Variants in FOXP1 observed in about 807,000 individuals in gnomAD.
The protein encoded by FOXP1 is forkhead box P1.
In FOXP1, 15 loss-of-function variants were observed where a neutral mutation model predicts 98.2. That is an observed-to-expected ratio of 0.15 (90% CI 0.10 to 0.24). The LOEUF (loss-of-function observed/expected upper bound fraction) is 0.24, where lower values mean the gene tolerates loss of function less well. Among genes scored for constraint, FOXP1 ranks in the 10% least tolerant of loss-of-function variants. The pLI is 1.00. For missense variants in FOXP1, 633 were observed against 848.5 expected (o/e 0.75, Z 3.15); for synonymous variants, 371 against 314.5 (o/e 1.18, Z -1.90).
chr3:71,100,504 TAGATACCAATGGAAA>T (rs2056858781), intron 7 of FOXP1, among the ~76,000 whole-genome samples: 2 of 152,158 alleles, frequency 1.3e-5, no homozygotes, highest in African/African-American at 4.8e-5. Flanking sequence ...GGGGCAGTGG[TAGATACCAATGGAAA>T]AGAAGCAGGC....
At chr3:71,366,063 A>G (rs2078910978) in intron 3 of FOXP1, among the ~76,000 whole-genome samples, 1 of 152,216 alleles carries the variant, frequency 6.6e-6, no homozygotes, top group Non-Finnish European at 1.5e-5. Context: ...AATATGCCAG[A>G]AACAATGAGT....
intron 7 of FOXP1, among the ~76,000 whole-genome samples, chr3:71,065,463 C>A (rs1240867023): frequency 6.6e-6 from 1 of 152,318 alleles, no homozygotes; most frequent in South Asian, 2.1e-4. Flanking sequence ...TCCTCGAAAA[C>A]CTCCCTGGGA....
In FOXP1 at chr3:71,113,802, C is replaced by T. The variant is rs547952156; in HGVS notation, c.181-1165G>A. Among the ~76,000 whole-genome samples the T allele has an allele frequency of 1.1e-4, 15 of 140,110 alleles. 1 individual carries two copies. Among genetic ancestry groups the T allele is most frequent in the Admixed American group, 4.3e-4 (6 of 14,028 alleles). The allele number at this position is 140,110 out of a possible 152,430, so 91.9% of individuals were successfully genotyped here. On this transcript the variant is annotated intron_variant, in intron 6 of 20. Coordinates refer to ENST00000649528, the MANE Select transcript of FOXP1 (RefSeq NM_001349338.3). ...GAAAAAAACAATGTCATCAATAAAC[C>T]GCCATGAAGACATTCACTGCCAAAG...
chr3:71,517,243 A>C (rs2042646859), intron 2 of FOXP1, among the ~76,000 whole-genome samples: 1 of 152,230 alleles, frequency 6.6e-6, no homozygotes, highest in Admixed American at 6.5e-5. Context: ...TAATGACAAC[A>C]CATCTGCAAG....
chr3:71,222,444 A>G (rs12635097), intron 5 of FOXP1, among the ~76,000 whole-genome samples: 12,439 of 151,802 alleles, frequency 0.082, 584 homozygotes, highest in African/African-American at 0.11. Flanking sequence ...TTTGAGATGG[A>G]GTCTCGCTCT....
intron 3 of FOXP1, among the ~76,000 whole-genome samples, chr3:71,384,983 G>A (rs1475082957): frequency 6.6e-6 from 1 of 151,982 alleles, no homozygotes; most frequent in Non-Finnish European, 1.5e-5. Flanking sequence ...ACAGACTTGA[G>A]CAATAATACA....
At chr3:71,178,197 C>T (rs1448781653) in intron 6 of FOXP1, among the ~76,000 whole-genome samples, 1 of 149,728 alleles carries the variant, frequency 6.7e-6, no homozygotes, top group African/African-American at 2.5e-5. Context: ...TGCAGTGGCG[C>T]GATCTCAGCT....
At chr3:71,444,886 A>G (rs1052993603) in intron 3 of FOXP1, among the ~76,000 whole-genome samples, 9 of 152,062 alleles carry the variant, frequency 5.9e-5, no homozygotes, top group African/African-American at 2.2e-4. Context: ...GGGAGTGGGG[A>G]TGGCCATGGG....
At chr3:71,502,203 G>A (rs1333256965) in intron 2 of FOXP1, among the ~76,000 whole-genome samples, 2 of 152,168 alleles carry the variant, frequency 1.3e-5, no homozygotes, top group African/African-American at 2.4e-5. Context: ...TGGCAAACTG[G>A]GTCTAGCTAA....
chr3:70,965,871 T>C lies in FOXP1; in HGVS notation c.1889+19A>G. On this transcript the variant is annotated intron_variant, in intron 20 of 20. Transcript: ENST00000649528. ...ACTAGGGTCAGATAGCAAAGACCTG[T>C]TGGGTGGACAATACTCACACGGCTT... is the stretch of plus-strand genomic sequence containing the variant. The C allele has an allele frequency of 6.2e-7, 1 of 1,613,160 alleles. No homozygotes were observed. Among genetic ancestry groups the C allele is most frequent in the Non-Finnish European group, 8.5e-7 (1 of 1,179,800 alleles).
intron 1 of FOXP1, among the ~76,000 whole-genome samples, chr3:71,583,305 C>A (rs998239961): frequency 6.6e-6 from 1 of 152,076 alleles, no homozygotes. Flanking sequence ...GGAGCTCCCT[C>A]CACCCGCGCG....
At chr3:71,088,163 T>C (rs182938724) in intron 7 of FOXP1, among the ~76,000 whole-genome samples, 13 of 152,268 alleles carry the variant, frequency 8.5e-5, no homozygotes, top group South Asian at 2.1e-4. Flanking sequence ...TTGTTTCTGA[T>C]TGGGGGCTCT....
intron 3 of FOXP1, among the ~76,000 whole-genome samples, chr3:71,453,377 C>T (rs1187763217): frequency 6.6e-6 from 1 of 152,100 alleles, no homozygotes; most frequent in Non-Finnish European, 1.5e-5. Flanking sequence ...TTATCAGATG[C>T]AATATTCAAG....
intron 3 of FOXP1, among the ~76,000 whole-genome samples, chr3:71,425,033 T>C (rs1369626212): frequency 6.6e-6 from 1 of 152,164 alleles, no homozygotes; most frequent in African/African-American, 2.4e-5. Context: ...TGTATTCATA[T>C]ACTGGAAATC....
intron 3 of FOXP1, among the ~76,000 whole-genome samples, chr3:71,394,556 T>C (rs1367730818): frequency 1.3e-5 from 2 of 152,198 alleles, no homozygotes; most frequent in Non-Finnish European, 2.9e-5. Flanking sequence ...GTTTTAAAAA[T>C]AGACATTTTA....
chr3:71,295,173 T>C (rs1017806506), intron 5 of FOXP1, among the ~76,000 whole-genome samples: 1 of 152,202 alleles, frequency 6.6e-6, no homozygotes, highest in Non-Finnish European at 1.5e-5. Context: ...AATGCGGTCA[T>C]CTGGTAACTC....
chr3:71,308,648 A>G (rs369540252), intron 4 of FOXP1, among the ~76,000 whole-genome samples: 1 of 152,132 alleles, frequency 6.6e-6, no homozygotes. Context: ...CTGTCGCCCA[A>G]GGATCCTACA....
At chr3:71,573,388 T>A (rs1485851997) in intron 2 of FOXP1, 1 of 149,346 alleles carries the variant, frequency 6.7e-6, no homozygotes, top group Non-Finnish European at 1.5e-5. Flanking sequence ...TTAAACCTTT[T>A]GCTGCAGTTG....
At position 71,397,012 on chromosome 3, in the gene FOXP1, A is replaced by G. The variant is rs1481121633; in HGVS notation, c.-167-37768T>C. On this transcript the variant is annotated intron_variant, in intron 3 of 20. Coordinates refer to ENST00000649528, the MANE Select transcript of FOXP1 (RefSeq NM_001349338.3). ...TATATATACACATATATATGTGTAT[A>G]TATATATATATACATATATATGTGT... Among the ~76,000 whole-genome samples, 31 of 33,630 alleles carry G rather than the reference A, an allele frequency of 9.2e-4. 4 individuals carry two copies. The highest frequency in any genetic ancestry group is 2.4e-3 in the African/African-American group (18 of 7,592). 22.1% of individuals were successfully genotyped at this position (33,630 alleles called of 152,430 possible).
Sources: allele counts gnomAD v4.1 joint callset (sites outside exome capture counted in the v4.1 genomes callset), GRCh38; gene constraint gnomAD v4.1.1; transcripts MANE v1.5; gene names NCBI Gene and HGNC (gene_info 2026-07-23, HGNC 2026-07-21).